LPAR1: variants seen among roughly 807,000 people sequenced by gnomAD.
LPAR1 encodes the protein lysophosphatidic acid receptor 1, also known as LPA receptor 1.
A neutral mutation model predicts 23.8 loss-of-function variants in LPAR1; 5 were observed. That is an observed-to-expected ratio of 0.21 (90% CI 0.11 to 0.44). LPAR1 has a LOEUF of 0.44. Among genes scored for constraint, LPAR1 ranks in the 20% least tolerant of loss-of-function variants. LPAR1 has a pLI of 0.99. For missense variants in LPAR1, 311 were observed against 482.8 expected (o/e 0.64, Z 3.33); for synonymous variants, 160 against 164.7 (o/e 0.97, Z 0.22).
At chr9:110,898,911 A>C (rs1339369480) in intron 5 of LPAR1, among the ~76,000 whole-genome samples, 2 of 152,258 alleles carry the variant, frequency 1.3e-5, no homozygotes, top group African/African-American at 4.8e-5. Flanking sequence ...CATTCGTGCA[A>C]AGAAAAAAAA....
At chr9:110,962,346 C>T (rs940003376) in intron 4 of LPAR1, among the ~76,000 whole-genome samples, 8 of 152,146 alleles carry the variant, frequency 5.3e-5, no homozygotes, top group Non-Finnish European at 7.3e-5. Context: ...CTGCAGTAAC[C>T]TGATCAACCA....
chr9:110,956,829 T>G (rs1319403195), intron 4 of LPAR1, among the ~76,000 whole-genome samples: 2 of 152,162 alleles, frequency 1.3e-5, no homozygotes, highest in African/African-American at 2.4e-5. Context: ...CAGGACTAAA[T>G]GACTTCACTG....
chr9:110,916,127 C>T (rs2093062160), intron 5 of LPAR1, among the ~76,000 whole-genome samples: 1 of 152,110 alleles, frequency 6.6e-6, no homozygotes, highest in African/African-American at 2.4e-5. Context: ...ATGCAATAGC[C>T]AGTATCTACT....
Position 110,937,949 on chromosome 9 carries a change from A to G in LPAR1, c.793+3472T>C, listed in dbSNP as rs186357630. ...GGCTGTTGTATTTTAGAAGGCATAG[A>G]ACATAAAGGTGTCGCTAGGTTTGGC... On this transcript the variant is annotated intron_variant, in intron 5 of 5. Coordinates refer to ENST00000683809, the MANE Select transcript of LPAR1 (RefSeq NM_001351411.2). 4.0e-3 allele frequency among the ~76,000 whole-genome samples: 615 copies of G among 152,350 alleles called. 6 individuals are homozygous for G. Among genetic ancestry groups the G allele is most frequent in the African/African-American group, 0.014 (590 of 41,582 alleles).
rs968552138 is a variant in LPAR1, at chr9:110,873,984, G to A, written c.*1437C>T. ...TTAAAAAGTCACTCTCAACTGAAGTGACCACTGCATTTCTTTTGTAAAAAG... is the reference window on the plus strand; with the variant it reads ...TTAAAAAGTCACTCTCAACTGAAGTAACCACTGCATTTCTTTTGTAAAAAG... On this transcript the variant is annotated 3_prime_UTR_variant, in exon 6 of 6. Coordinates refer to ENST00000683809, the MANE Select transcript of LPAR1 (RefSeq NM_001351411.2). The A allele has an allele frequency of 6.6e-6, 1 of 152,590 alleles. No homozygotes were observed. The highest frequency in any genetic ancestry group is 1.5e-5 in the Non-Finnish European group (1 of 68,038). The allele number at this position is 152,590 out of a possible 1,614,324, so 9.5% of individuals were successfully genotyped here.
intron 4 of LPAR1, among the ~76,000 whole-genome samples, chr9:110,967,029 C>T (rs1285097316): frequency 6.6e-6 from 1 of 152,170 alleles, no homozygotes; most frequent in Non-Finnish European, 1.5e-5. Flanking sequence ...CCACAGGATA[C>T]GAACACATTA....
intron 2 of LPAR1, among the ~76,000 whole-genome samples, chr9:111,014,335 C>T (rs2097394962): frequency 6.6e-6 from 1 of 152,150 alleles, no homozygotes; most frequent in South Asian, 2.1e-4. Flanking sequence ...GCTGCCATTT[C>T]TCTCGGCGCC....
At chr9:110,979,286 C>T (rs938134488) in intron 2 of LPAR1, among the ~76,000 whole-genome samples, 1 of 149,614 alleles carries the variant, frequency 6.7e-6, no homozygotes, top group African/African-American at 2.5e-5. Flanking sequence ...AGGAATGTGC[C>T]CAAAATGTAG....
chr9:110,987,873 T>C (rs1433214070), intron 2 of LPAR1, among the ~76,000 whole-genome samples: 3 of 151,344 alleles, frequency 2.0e-5, no homozygotes, highest in African/African-American at 7.3e-5. Flanking sequence ...ATAAACACTA[T>C]AAACCCACAG....
At chr9:111,027,007 G>T (rs919879415) in intron 2 of LPAR1, among the ~76,000 whole-genome samples, 1 of 152,066 alleles carries the variant, frequency 6.6e-6, no homozygotes, top group Non-Finnish European at 1.5e-5. Flanking sequence ...TTGTGTCTCT[G>T]CCAGGTTTTA....
intron 4 of LPAR1, among the ~76,000 whole-genome samples, chr9:110,951,065 T>TA (rs2136643928): frequency 6.6e-6 from 1 of 152,322 alleles, no homozygotes; most frequent in Admixed American, 6.5e-5. Flanking sequence ...ACACATATTA[T>TA]AACTTGATAT....
At chr9:110,943,313 A>G (rs997526691) in intron 4 of LPAR1, among the ~76,000 whole-genome samples, 5 of 151,778 alleles carry the variant, frequency 3.3e-5, no homozygotes, top group Non-Finnish European at 7.4e-5. Flanking sequence ...TTTTGCTTTG[A>G]ATCTAATAAA....
chr9:110,943,073 GTTTA>G (rs998434640), intron 4 of LPAR1, among the ~76,000 whole-genome samples: 4 of 146,924 alleles, frequency 2.7e-5, no homozygotes, highest in African/African-American at 5.0e-5. Flanking sequence ...AATAATATAT[GTTTA>G]TTTATCTATC....
At chr9:110,979,197 T>C (rs1035519365) in intron 2 of LPAR1, among the ~76,000 whole-genome samples, 16 of 152,008 alleles carry the variant, frequency 1.1e-4, no homozygotes, top group Admixed American at 2.0e-4. Flanking sequence ...ATATTGTGCA[T>C]GATAAATACT....
intron 5 of LPAR1, among the ~76,000 whole-genome samples, chr9:110,914,801 T>C (rs888016491): frequency 1.3e-4 from 20 of 152,148 alleles, no homozygotes; most frequent in Admixed American, 6.5e-5. Context: ...AAAAGCTTAT[T>C]TTGCTTGCTG....
chr9:110,969,543 C>T (rs947782803), intron 4 of LPAR1, among the ~76,000 whole-genome samples: 28 of 151,986 alleles, frequency 1.8e-4, no homozygotes, highest in African/African-American at 6.8e-4. Context: ...GAAACCCCGT[C>T]TCTACTAAAA....
At chr9:111,012,467 GCGCA>G (rs901160471) in intron 2 of LPAR1, among the ~76,000 whole-genome samples, 7 of 112,378 alleles carry the variant, frequency 6.2e-5, no homozygotes, top group African/African-American at 1.7e-4. Flanking sequence ...GTACGCACGC[GCGCA>G]CACACACACA....
At chr9:111,033,659 C>T (rs2097843147) in intron 2 of LPAR1, among the ~76,000 whole-genome samples, 1 of 152,216 alleles carries the variant, frequency 6.6e-6, no homozygotes, top group South Asian at 2.1e-4. Context: ...TCAAGTGATT[C>T]TTCTGCCTCA....
At chr9:110,914,803 T>C (rs1196402856) in intron 5 of LPAR1, among the ~76,000 whole-genome samples, 1 of 152,138 alleles carries the variant, frequency 6.6e-6, no homozygotes, top group Non-Finnish European at 1.5e-5. Context: ...AAGCTTATTT[T>C]GCTTGCTGAG....
Sources: gnomAD v4.1 joint callset for allele counts (sites outside exome capture counted in the v4.1 genomes callset) on GRCh38, gnomAD v4.1.1 for gene constraint, MANE v1.5 for transcripts, NCBI Gene and HGNC (gene_info 2026-07-23, HGNC 2026-07-21) for gene names.